The following SIL1 variants were observed in gnomAD, a reference collection of about 807,000 sequenced individuals.
SIL1 encodes the protein SIL1 nucleotide exchange factor.
SIL1 carries 40 observed loss-of-function variants against 49.1 expected under a neutral mutation model. That is an observed-to-expected ratio of 0.81 (90% CI 0.63 to 1.06). The LOEUF (loss-of-function observed/expected upper bound fraction) is 1.06. Ranked by LOEUF, SIL1 falls within the 50% of genes least tolerant of loss-of-function variation. The pLI is 0.00. For synonymous variants in SIL1, 253 were observed against 250.8 expected, an observed-to-expected ratio of 1.01 and a Z score of -0.08; for missense variants, 500 against 572.6, an observed-to-expected ratio of 0.87 and a Z score of 1.29.
At chr5:139,064,403 G>C (rs1200780748) in intron 3 of SIL1, among the ~76,000 whole-genome samples, 1 of 152,174 alleles carries the variant, frequency 6.6e-6, no homozygotes, top group Non-Finnish European at 1.5e-5. Context: ...CAATCAGAGT[G>C]GGAGAAGAGG....
rs555499941 is a variant in SIL1, at chr5:139,070,527, T to C, written c.245-19481A>G. Among the ~76,000 whole-genome samples, 3 of 152,308 alleles carry C rather than the reference T, an allele frequency of 2.0e-5. No individual in the cohort carries two copies. The South Asian group carries it at 6.2e-4, about 32-fold the overall frequency. On this transcript the variant is annotated intron_variant, in intron 3 of 9. Transcript: ENST00000394817. ...TAAAACTTCTTAGAGAAACAGCTAATTCCAGTCCTGGGAAGGAAATGTACA... is the reference window on the plus strand; with the variant it reads ...TAAAACTTCTTAGAGAAACAGCTAACTCCAGTCCTGGGAAGGAAATGTACA...
In SIL1 at chr5:139,057,336, A is replaced by C. The variant is rs1035993304; in HGVS notation, c.245-6290T>G. ...CAATAAAAAAAAAAAAAAGAAAAGA[A>C]AAGAACATCACTGCTAGCCTTCTGG... On this transcript the variant is annotated intron_variant, in intron 3 of 9. Transcript: ENST00000394817. Among the ~76,000 whole-genome samples the C allele has an allele frequency of 1.1e-4, 17 of 150,080 alleles. 1 individual carries two copies. Among genetic ancestry groups the C allele is most frequent in the African/African-American group, 4.2e-4 (17 of 40,374 alleles).
In SIL1 at chr5:139,021,188, C is replaced by T; in HGVS notation, c.750G>A (p.Leu250=). 6.2e-7 allele frequency: 1 copy of T among 1,614,158 alleles called. No homozygotes were observed. The highest frequency in any genetic ancestry group is 8.5e-7 in the Non-Finnish European group (1 of 1,180,032). ...PLVKEYAAFV[L]GAAFSSNPKV... ...CTGCTCACCTGGAAAAGGCAGCGCC[C>T]AGCACAAACGCAGCATACTCCTTCA... is the stretch of plus-strand genomic sequence containing the variant. Residue 250 remains leucine (L), a synonymous_variant, in exon 7 of 10, where the codon CTG becomes CTA. Transcript: ENST00000394817.
intron 5 of SIL1, among the ~76,000 whole-genome samples, chr5:139,034,782 C>A (rs1399526713): frequency 1.3e-5 from 2 of 152,096 alleles, no homozygotes; most frequent in East Asian, 3.9e-4. Flanking sequence ...AGGTATATAC[C>A]CAGTAATGGG....
chr5:139,170,425 T>C (rs376893925), intron 1 of SIL1, among the ~76,000 whole-genome samples: 21 of 135,868 alleles, frequency 1.5e-4, no homozygotes, highest in East Asian at 1.1e-3. Flanking sequence ...AAGTGAGGAG[T>C]GCCTCTTCCC....
intron 3 of SIL1, among the ~76,000 whole-genome samples, chr5:139,082,816 A>C (rs950371571): frequency 6.6e-6 from 1 of 152,212 alleles, no homozygotes; most frequent in African/African-American, 2.4e-5. Context: ...CGTTCTTATC[A>C]ATCATAATCA....
At chr5:139,094,757 C>T (rs1278117830) in intron 3 of SIL1, among the ~76,000 whole-genome samples, 1 of 152,194 alleles carries the variant, frequency 6.6e-6, no homozygotes, top group Non-Finnish European at 1.5e-5. Flanking sequence ...AGACTCCAGA[C>T]TCTTTATGTT....
In SIL1 at chr5:139,073,560, G is replaced by A. The variant is rs1215858656; in HGVS notation, c.245-22514C>T. On this transcript the variant is annotated intron_variant, in intron 3 of 9. Transcript: ENST00000394817. The stretch of plus-strand genomic sequence containing the variant: ...GTTGAGGAGGTGGGGTAGAGGCTGG[G>A]GAGATGTTGGTCAAAGGATACAAAG... 2.0e-5 allele frequency among the ~76,000 whole-genome samples: 3 copies of A among 152,130 alleles called. No homozygotes were observed. The East Asian group carries it at 5.8e-4, about 29-fold the overall frequency.
intron 5 of SIL1, among the ~76,000 whole-genome samples, chr5:139,041,818 C>CAAAAAA (rs536666463): frequency 4.6e-5 from 4 of 86,334 alleles, no homozygotes; most frequent in African/African-American, 3.6e-5. Flanking sequence ...AACTCAAAAA[C>CAAAAAA]AAAAAAAAAA....
chr5:139,035,642 CTTTTTTTTTTTT>C (rs759319838), intron 5 of SIL1: 3 of 159,594 alleles, frequency 1.9e-5, no homozygotes, highest in South Asian at 7.3e-5. Context: ...AGGTATACAA[CTTTTTTTTTTTT>C]TTTTTTTTTT....
chr5:139,139,083 G>A (rs897975126), intron 1 of SIL1, among the ~76,000 whole-genome samples: 1 of 152,346 alleles, frequency 6.6e-6, no homozygotes, highest in Admixed American at 6.5e-5. Flanking sequence ...GGGAGTCAGG[G>A]AGAGTAGGAA....
intron 3 of SIL1, among the ~76,000 whole-genome samples, chr5:139,085,571 C>T (rs1197660484): frequency 6.6e-6 from 1 of 152,076 alleles, no homozygotes; most frequent in Non-Finnish European, 1.5e-5. Context: ...ATGCAAGTGA[C>T]TAGGCTGGGA....
At chr5:139,162,505 G>C (rs559866848) in intron 1 of SIL1, among the ~76,000 whole-genome samples, 1 of 152,182 alleles carries the variant, frequency 6.6e-6, no homozygotes, top group Non-Finnish European at 1.5e-5. Context: ...CACATAAAAC[G>C]AAGGAAGGGG....
intron 1 of SIL1, among the ~76,000 whole-genome samples, chr5:139,190,244 G>A (rs1752143538): frequency 6.6e-6 from 1 of 152,194 alleles, no homozygotes; most frequent in African/African-American, 2.4e-5. Flanking sequence ...AAGGTCCACT[G>A]TTACATCTGG....
chr5:139,146,032 T>TG (rs1751190416), intron 1 of SIL1, among the ~76,000 whole-genome samples: 1 of 152,150 alleles, frequency 6.6e-6, no homozygotes, highest in Non-Finnish European at 1.5e-5. Flanking sequence ...TTGGTAGAGA[T>TG]GGGGTCTCAC....
chr5:139,136,263 A>G (rs1750972396), intron 1 of SIL1, among the ~76,000 whole-genome samples: 1 of 152,210 alleles, frequency 6.6e-6, no homozygotes, highest in Admixed American at 6.5e-5. Context: ...TACATAGAGA[A>G]CAATTGGAAT....
intron 3 of SIL1, among the ~76,000 whole-genome samples, chr5:139,060,267 A>G (rs998510936): frequency 4.6e-5 from 7 of 151,800 alleles, no homozygotes; most frequent in South Asian, 2.1e-4. Flanking sequence ...GTTCTCTTAC[A>G]TACTTTTTTT....
chr5:139,091,463 T>C (rs1044870012), intron 3 of SIL1, among the ~76,000 whole-genome samples: 4 of 152,168 alleles, frequency 2.6e-5, no homozygotes, highest in African/African-American at 9.7e-5. Flanking sequence ...TGAAAAGATG[T>C]TCAACTTTGC....
At chr5:139,076,216 T>C (rs1769945031) in intron 3 of SIL1, among the ~76,000 whole-genome samples, 1 of 152,226 alleles carries the variant, frequency 6.6e-6, no homozygotes, top group Non-Finnish European at 1.5e-5. Context: ...CAACTCACTC[T>C]CAGGGGTTCT....
Sources: allele counts gnomAD v4.1 joint callset (sites outside exome capture counted in the v4.1 genomes callset), GRCh38; gene constraint gnomAD v4.1.1; transcripts MANE v1.5; gene names NCBI Gene and HGNC (gene_info 2026-07-23, HGNC 2026-07-21).